ULK4: variants seen among roughly 807,000 people sequenced by gnomAD.
The protein encoded by ULK4 is inactive serine/threonine-protein kinase ULK4.
Under a neutral mutation model 160.6 loss-of-function variants are expected in ULK4, and 133 were observed. The observed-to-expected ratio is 0.83, with a 90% CI of 0.72 to 0.96. The LOEUF (loss-of-function observed/expected upper bound fraction) is 0.96. Among genes scored for constraint, ULK4 ranks in the 40% least tolerant of loss-of-function variants. ULK4 has a pLI of 0.00. For missense variants in ULK4, 1,580 were observed against 1,499.5 expected (o/e 1.05, Z -0.89); for synonymous variants, 534 against 539.8 (o/e 0.99, Z 0.15).
chr3:41,581,669 C>A (rs2125630946), intron 31 of ULK4, among the ~76,000 whole-genome samples: 1 of 152,322 alleles, frequency 6.6e-6, no homozygotes, highest in South Asian at 2.1e-4. Flanking sequence ...TGGTCCCAAA[C>A]CTACACCCAG....
In ULK4 at chr3:41,315,901, G is replaced by A. The variant is rs147909290; in HGVS notation, c.3679-66327C>T. 5.1e-4 allele frequency among the ~76,000 whole-genome samples: 77 copies of A among 152,288 alleles called. 2 individuals are homozygous for A. The East Asian group carries it at 0.014, about 28-fold the overall frequency. On this transcript the variant is annotated intron_variant, in intron 35 of 36. Transcript: ENST00000301831. ...ACAAACAGTAACAAATGTTGGGGAT[G>A]ATAAAGAGGTCGAGAAATCAGAACT... is the stretch of plus-strand genomic sequence containing the variant.
Position 41,455,625 on chromosome 3 carries a change from G to A in ULK4, c.3394-30C>T, listed in dbSNP as rs772168221. The A allele has an allele frequency of 2.0e-5, 32 of 1,607,420 alleles. No homozygotes were observed. In the East Asian group the frequency reaches 4.2e-4, roughly 21 times the overall value. On this transcript the variant is annotated intron_variant, in intron 33 of 36. Transcript: ENST00000301831. ...AACAGAGAGAAGAGAAATGAAAGAC[G>A]GTCTTGGTGATTAGTCAGCTTGGCC...
chr3:41,754,931 C>T (rs193031650), intron 21 of ULK4, among the ~76,000 whole-genome samples: 71 of 152,244 alleles, frequency 4.7e-4, no homozygotes, highest in African/African-American at 1.7e-3. Flanking sequence ...GTCTACACAT[C>T]TGAGGGCTTA....
intron 22 of ULK4, among the ~76,000 whole-genome samples, chr3:41,748,672 T>G (rs1469186242): frequency 2.0e-5 from 3 of 152,206 alleles, no homozygotes; most frequent in African/African-American, 7.2e-5. Flanking sequence ...CCTTATTCTC[T>G]TCCTAATCCT....
intron 32 of ULK4, among the ~76,000 whole-genome samples, chr3:41,550,730 A>G (rs1423690053): frequency 4.6e-5 from 7 of 152,016 alleles, no homozygotes; most frequent in African/African-American, 1.7e-4. Flanking sequence ...GATAATCGAG[A>G]CAGAAAAATC....
chr3:41,931,144 T>C (rs1575970966), intron 5 of ULK4, among the ~76,000 whole-genome samples: 1 of 152,152 alleles, frequency 6.6e-6, no homozygotes, highest in Non-Finnish European at 1.5e-5. Flanking sequence ...CAGAATACTA[T>C]GCAGCCATAA....
At chr3:41,608,152 G>T (rs566673704) in intron 31 of ULK4, among the ~76,000 whole-genome samples, 94 of 152,230 alleles carry the variant, frequency 6.2e-4, no homozygotes, top group African/African-American at 2.1e-3. Flanking sequence ...AATCCAAAAT[G>T]CAATTTCACC....
intron 27 of ULK4, among the ~76,000 whole-genome samples, chr3:41,685,433 C>T (rs1386227886): frequency 2.0e-5 from 3 of 152,204 alleles, no homozygotes; most frequent in Non-Finnish European, 4.4e-5. Flanking sequence ...ATGTCTTACC[C>T]ACTAATCCCA....
At chr3:41,666,898 CT>C (rs1196270568) in intron 29 of ULK4, among the ~76,000 whole-genome samples, 1 of 152,116 alleles carries the variant, frequency 6.6e-6, no homozygotes, top group Non-Finnish European at 1.5e-5. Context: ...AATCCCAGCA[CT>C]TTGGGAGGCC....
chr3:41,733,052 T>C lies in ULK4; in HGVS notation c.2322-15191A>G, dbSNP rs146334186. Among the ~76,000 whole-genome samples the C allele has an allele frequency of 2.2e-3, 333 of 152,310 alleles. 2 individuals are homozygous for C. Among genetic ancestry groups the C allele is most frequent in the Non-Finnish European group, 3.9e-3 (263 of 68,020 alleles). ...GTGTTCTATTGCACAGTAAGGTGAC[T>C]ATTACAATATTGTATTATATATTTC... On this transcript the variant is annotated intron_variant, in intron 22 of 36. Coordinates refer to ENST00000301831, the MANE Select transcript of ULK4 (RefSeq NM_017886.4).
At chr3:41,653,472 T>C (rs916717918) in intron 30 of ULK4, among the ~76,000 whole-genome samples, 2 of 152,142 alleles carry the variant, frequency 1.3e-5, no homozygotes, top group African/African-American at 2.4e-5. Context: ...TCAATGGCAA[T>C]TGTCTCCTGA....
chr3:41,804,585 A>G (rs1345303666), intron 19 of ULK4, among the ~76,000 whole-genome samples: 6 of 151,926 alleles, frequency 3.9e-5, no homozygotes, highest in Admixed American at 2.0e-4. Context: ...GGTATTGCCT[A>G]GGTTGTCTTC....
intron 32 of ULK4, among the ~76,000 whole-genome samples, chr3:41,530,078 A>G (rs1256771045): frequency 2.6e-5 from 4 of 152,210 alleles, no homozygotes; most frequent in African/African-American, 9.6e-5. Flanking sequence ...TGAATATACT[A>G]AAAAATATAC....
chr3:41,530,515 AACTTTATTG>A (rs1272143787), intron 32 of ULK4, among the ~76,000 whole-genome samples: 2 of 152,236 alleles, frequency 1.3e-5, no homozygotes, highest in African/African-American at 4.8e-5. Context: ...ACTAGAACCC[AACTTTATTG>A]GTCCATTGGA....
intron 35 of ULK4, among the ~76,000 whole-genome samples, chr3:41,319,984 A>T (rs1319152395): frequency 6.6e-6 from 1 of 152,204 alleles, no homozygotes; most frequent in East Asian, 1.9e-4. Context: ...TCATAACTTA[A>T]AGTTCAGTAG....
chr3:41,496,861 AAT>A (rs1414901091), intron 32 of ULK4, among the ~76,000 whole-genome samples: 1 of 152,136 alleles, frequency 6.6e-6, no homozygotes, highest in African/African-American at 2.4e-5. Flanking sequence ...AAAAACAAAA[AAT>A]AAGCCTTGAA....
intron 35 of ULK4, among the ~76,000 whole-genome samples, chr3:41,315,220 C>G (rs9843445): frequency 6.6e-6 from 1 of 151,942 alleles, no homozygotes; most frequent in Non-Finnish European, 1.5e-5. Context: ...GGATGAAGTT[C>G]TCTAAAATTC....
intron 34 of ULK4, among the ~76,000 whole-genome samples, chr3:41,420,098 A>T (rs1393721981): frequency 1.3e-5 from 2 of 151,860 alleles, no homozygotes; most frequent in African/African-American, 4.8e-5. Context: ...CCTGTGAGAG[A>T]CAGGAGATAA....
chr3:41,853,793 G>GT (rs2042271377), intron 17 of ULK4, among the ~76,000 whole-genome samples: 1 of 152,188 alleles, frequency 6.6e-6, no homozygotes, highest in Non-Finnish European at 1.5e-5. Context: ...AGGCTGTGTA[G>GT]TGAGTGCCTT....
Sources: allele counts gnomAD v4.1 joint callset (sites outside exome capture counted in the v4.1 genomes callset), GRCh38; gene constraint gnomAD v4.1.1; transcripts MANE v1.5; gene names NCBI Gene and HGNC (gene_info 2026-07-23, HGNC 2026-07-21).